PRKCA: variants seen among roughly 807,000 people sequenced by gnomAD.
PRKCA encodes protein kinase C alpha type.
Under a neutral mutation model 87.0 loss-of-function variants are expected in PRKCA, and 27 were observed. The observed-to-expected ratio is 0.31, with a 90% CI of 0.23 to 0.43. The LOEUF (loss-of-function observed/expected upper bound fraction) is 0.43, where lower values mean the gene tolerates loss of function less well. Ranked by LOEUF, PRKCA falls within the 20% of genes least tolerant of loss-of-function variation. PRKCA has a pLI of 1.00. For missense variants in PRKCA, 518 were observed against 852.3 expected (o/e 0.61, Z 4.88); for synonymous variants, 329 against 311.1 (o/e 1.06, Z -0.61).
chr17:66,497,157 T>C (rs1013006203), intron 3 of PRKCA, among the ~76,000 whole-genome samples: 25 of 152,156 alleles, frequency 1.6e-4, no homozygotes, highest in Admixed American at 3.9e-4. Context: ...TTCCTCTCTT[T>C]GTGGACAATT....
chr17:66,347,965 C>T (rs1457863405), intron 2 of PRKCA, among the ~76,000 whole-genome samples: 2 of 3,550 alleles, frequency 5.6e-4, no homozygotes, highest in Non-Finnish European at 3.6e-3. Flanking sequence ...TTTTTTGAGA[C>T]AAAGTCTTGC....
intron 2 of PRKCA, among the ~76,000 whole-genome samples, chr17:66,453,755 C>G (rs1914447544): frequency 6.6e-6 from 1 of 152,126 alleles, no homozygotes; most frequent in African/African-American, 2.4e-5. Flanking sequence ...CTGGGTTGTT[C>G]TGACTAACAT....
intron 14 of PRKCA, among the ~76,000 whole-genome samples, chr17:66,784,838 C>T (rs1042962019): frequency 1.3e-5 from 2 of 152,106 alleles, no homozygotes; most frequent in Non-Finnish European, 2.9e-5. Flanking sequence ...CACAGGTGGC[C>T]GTCGGCAGCC....
rs372345310 is a variant in PRKCA, at chr17:66,359,294, TC to T, written c.205+53168del. Among the ~76,000 whole-genome samples the T allele has an allele frequency of 4.3e-4, 66 of 152,294 alleles. 1 individual carries two copies. The East Asian group carries it at 0.011, about 26-fold the overall frequency. The stretch of plus-strand genomic sequence containing the variant: ...GCCCACAGACACGCGTCACTTTAAT[TC>T]TTTGAAAACCTACACTCAACAGAAA... On this transcript the variant is annotated intron_variant, in intron 2 of 16. Coordinates refer to ENST00000413366, the MANE Select transcript of PRKCA (RefSeq NM_002737.3).
chr17:66,395,863 T>A (rs1910634705), intron 2 of PRKCA, among the ~76,000 whole-genome samples: 1 of 152,108 alleles, frequency 6.6e-6, no homozygotes, highest in African/African-American at 2.4e-5. Flanking sequence ...TTCCAGGGCC[T>A]ACATTTTGTC....
chr17:66,672,626 G>A (rs9896456), intron 5 of PRKCA, among the ~76,000 whole-genome samples: 1 of 152,152 alleles, frequency 6.6e-6, no homozygotes, highest in Non-Finnish European at 1.5e-5. Context: ...AAAAGTATCA[G>A]AAATTTCAAT....
chr17:66,568,124 G>A (rs928993629), intron 3 of PRKCA, among the ~76,000 whole-genome samples: 1 of 152,150 alleles, frequency 6.6e-6, no homozygotes, highest in African/African-American at 2.4e-5. Context: ...AGACTGGCCT[G>A]GCCAACACGA....
intron 14 of PRKCA, among the ~76,000 whole-genome samples, chr17:66,784,046 A>G (rs1598940882): frequency 6.6e-6 from 1 of 152,196 alleles, no homozygotes; most frequent in East Asian, 1.9e-4. Flanking sequence ...TTCATTTTGC[A>G]CTGAGACTTG....
chr17:66,511,995 T>C (rs1201623905), intron 3 of PRKCA, among the ~76,000 whole-genome samples: 1 of 152,116 alleles, frequency 6.6e-6, no homozygotes, highest in Non-Finnish European at 1.5e-5. Flanking sequence ...GATAGTGAAC[T>C]TCTGTCCATC....
intron 2 of PRKCA, among the ~76,000 whole-genome samples, chr17:66,473,583 C>T (rs574908015): frequency 3.5e-4 from 53 of 152,190 alleles, no homozygotes; most frequent in African/African-American, 1.1e-3. Flanking sequence ...ATGATAACTG[C>T]GGCACCATCC....
At chr17:66,638,699 T>G (rs149774798) in intron 3 of PRKCA, among the ~76,000 whole-genome samples, 176 of 152,168 alleles carry the variant, frequency 1.2e-3, no homozygotes, top group African/African-American at 3.9e-3. Flanking sequence ...ATACCAAAAA[T>G]TAGCCAGGCG....
chr17:66,485,136 C>A (rs763129913), intron 2 of PRKCA, among the ~76,000 whole-genome samples: 2 of 152,092 alleles, frequency 1.3e-5, no homozygotes, highest in African/African-American at 2.4e-5. Flanking sequence ...CCCCCAGTTA[C>A]CTTCATACCT....
intron 3 of PRKCA, among the ~76,000 whole-genome samples, chr17:66,588,324 AG>A (rs1168861908): frequency 6.6e-6 from 1 of 152,128 alleles, no homozygotes; most frequent in Non-Finnish European, 1.5e-5. Context: ...CATGAGGAAG[AG>A]AGGTGATGCT....
chr17:66,606,748 A>G (rs1470207030), intron 3 of PRKCA, among the ~76,000 whole-genome samples: 4 of 152,212 alleles, frequency 2.6e-5, no homozygotes, highest in Non-Finnish European at 4.4e-5. Context: ...GTGGCCATAT[A>G]TATCAAGAGT....
intron 14 of PRKCA, among the ~76,000 whole-genome samples, chr17:66,786,070 C>T (rs1161549971): frequency 6.6e-6 from 1 of 152,196 alleles, no homozygotes; most frequent in Non-Finnish European, 1.5e-5. Flanking sequence ...CCTTGTGATC[C>T]GCCCGCCTCG....
chr17:66,316,770 A>G (rs941119691), intron 2 of PRKCA, among the ~76,000 whole-genome samples: 61 of 152,102 alleles, frequency 4.0e-4, no homozygotes, highest in African/African-American at 1.4e-3. Context: ...CATGGAAATT[A>G]TGACTGGAGA....
intron 2 of PRKCA, among the ~76,000 whole-genome samples, chr17:66,401,365 A>G (rs1174101005): frequency 1.3e-5 from 2 of 152,160 alleles, no homozygotes; most frequent in African/African-American, 4.8e-5. Flanking sequence ...GGCTGGACCC[A>G]CTTTGAGCAA....
chr17:66,487,400 G>A (rs534114704), intron 2 of PRKCA, among the ~76,000 whole-genome samples: 88 of 152,204 alleles, frequency 5.8e-4, no homozygotes, highest in African/African-American at 1.9e-3. Context: ...GACATACTAC[G>A]TCTTCCTTAT....
chr17:66,655,521 T>C (rs1425685045), intron 5 of PRKCA, among the ~76,000 whole-genome samples: 1 of 152,246 alleles, frequency 6.6e-6, no homozygotes, highest in Non-Finnish European at 1.5e-5. Flanking sequence ...TTTTATGCCA[T>C]GCCTGAAACC....
Sources: allele counts gnomAD v4.1 joint callset (sites outside exome capture counted in the v4.1 genomes callset), GRCh38; gene constraint gnomAD v4.1.1; transcripts MANE v1.5; gene names NCBI Gene and HGNC (gene_info 2026-07-23, HGNC 2026-07-21).